Variants in LRRIQ4 observed in about 807,000 individuals in gnomAD.
LRRIQ4 encodes leucine-rich repeat and IQ domain-containing protein 4.
Under a neutral mutation model 40.1 loss-of-function variants are expected in LRRIQ4, and 21 were observed. That is an observed-to-expected ratio of 0.52 (90% CI 0.37 to 0.75). The LOEUF (loss-of-function observed/expected upper bound fraction) is 0.75. Among genes scored for constraint, LRRIQ4 ranks in the 30% least tolerant of loss-of-function variants. The probability of loss-of-function intolerance (pLI) is 0.00; values close to 1 mark genes in which losing one functional copy is unlikely to be tolerated. For missense variants in LRRIQ4, 655 were observed against 660.0 expected, an observed-to-expected ratio of 0.99 and a Z score of 0.08; for synonymous variants, 277 against 277.1, an observed-to-expected ratio of 1.00 and a Z score of 0.00.
chr3:169,827,971 A>T (rs1780079043), intron 2 of LRRIQ4, among the ~76,000 whole-genome samples: 2 of 152,226 alleles, frequency 1.3e-5, no homozygotes, highest in Admixed American at 1.3e-4. Context: ...CGATAGGATC[A>T]TAATGGAGTT....
At chr3:169,831,516 A>C (rs1312653820) in intron 4 of LRRIQ4, among the ~76,000 whole-genome samples, 10 of 112,526 alleles carry the variant, frequency 8.9e-5, no homozygotes, top group South Asian at 3.0e-4. Flanking sequence ...GTTAGCCAGG[A>C]TGGTCTTGAT....
chr3:169,831,027 T>G (rs901222412), intron 4 of LRRIQ4, among the ~76,000 whole-genome samples: 1 of 151,832 alleles, frequency 6.6e-6, no homozygotes, highest in Non-Finnish European at 1.5e-5. Flanking sequence ...TGGCCCAGAG[T>G]GGTGAAATTA....
Position 169,822,247 on chromosome 3 carries a change from C to G in LRRIQ4, c.326C>G (p.Ser109Cys). ...LDLSYNPIFS[S>C]SLVVVSFLHA... is the part of the protein sequence containing the mutation. Reference sequence around the variant, plus strand: ...CTGAGCTACAACCCCATCTTCTCCTCCTCCCTTGTCGTTGTCAGCTTCCTC... The same window carrying G: ...CTGAGCTACAACCCCATCTTCTCCTGCTCCCTTGTCGTTGTCAGCTTCCTC... Residue 109 changes from serine to cysteine, a missense_variant, in exon 2 of 6, where the codon TCC becomes TGC. Transcript: ENST00000340806. 5.6e-6 allele frequency: 9 copies of G among 1,607,230 alleles called. No individual in the cohort carries two copies. The highest frequency in any genetic ancestry group is 7.6e-6 in the Non-Finnish European group (9 of 1,177,290).
intron 5 of LRRIQ4, among the ~76,000 whole-genome samples, chr3:169,836,894 G>C (rs1324044559): frequency 1.3e-5 from 2 of 152,166 alleles, no homozygotes; most frequent in African/African-American, 4.8e-5. Flanking sequence ...GGTCAGGATT[G>C]GGGAGGCAGA....
At position 169,817,827 on chromosome 3, in the gene LRRIQ4, G is replaced by A. The variant is rs149122759; in HGVS notation, c.-31-4064G>A. Among the ~76,000 whole-genome samples the A allele has an allele frequency of 1.0e-3, 152 of 152,064 alleles. 1 individual carries two copies. The highest frequency in any genetic ancestry group is 3.5e-3 in the African/African-American group (144 of 41,480). ...TTTTCAGCTTATGTGTGTCTTTATA[G>A]GTGAAATGTATTTCTTGTGGGCCAC... On this transcript the variant is annotated intron_variant, in intron 1 of 5. Coordinates refer to ENST00000340806, the MANE Select transcript of LRRIQ4 (RefSeq NM_001080460.3).
rs1168352687 is a variant in LRRIQ4, at chr3:169,833,002, G to A, written c.1349G>A (p.Arg450Gln). 13 of 1,610,720 alleles carry A rather than the reference G, an allele frequency of 8.1e-6. No individual in the cohort carries two copies. Among genetic ancestry groups the A allele is most frequent in the Admixed American group, 5.1e-5 (3 of 59,186 alleles). ...ATCTTTTCAGCTTTGAAAGAATTAC[G>A]GCTGGAGGACAACTTGCTCACCCAT... ...ICQAQALKEL[R>Q]LEDNLLTHLP... Residue 450 changes from arginine (R) to glutamine (Q), a missense_variant, in exon 5 of 6, where the codon CGG becomes CAG. Physicochemically the swap from Arg to Gln is conservative, Grantham distance 43 (BLOSUM62 1). Transcript: ENST00000340806.
At chr3:169,831,378 A>G (rs1343220034) in intron 4 of LRRIQ4, among the ~76,000 whole-genome samples, 2 of 110,624 alleles carry the variant, frequency 1.8e-5, no homozygotes, top group African/African-American at 7.2e-5. Flanking sequence ...GGTTCACGCT[A>G]TTCTTCTGCC....
Position 169,821,996 on chromosome 3 carries a change from T to C in LRRIQ4, c.75T>C (p.Asp25=). The C allele has an allele frequency of 6.4e-7, 1 of 1,566,308 alleles. No individual in the cohort carries two copies. The highest frequency in any genetic ancestry group is 8.6e-7 in the Non-Finnish European group (1 of 1,161,198). ...HQRNDPQHVN[D]RTFFIDASNQ... ...GAAATGATCCACAGCACGTCAATGATAGAACATTTTTCATTGATGCCTCTA... is the reference window on the plus strand; with the variant it reads ...GAAATGATCCACAGCACGTCAATGACAGAACATTTTTCATTGATGCCTCTA... The change falls in exon 2 of 6, where the codon GAT becomes GAC. Residue 25 remains aspartate (D), a synonymous_variant. Coordinates refer to ENST00000340806, the MANE Select transcript of LRRIQ4 (RefSeq NM_001080460.3).
At chr3:169,815,017 A>T (rs1411360167) in intron 1 of LRRIQ4, among the ~76,000 whole-genome samples, 1 of 152,182 alleles carries the variant, frequency 6.6e-6, no homozygotes, top group Non-Finnish European at 1.5e-5. Context: ...TGCCAGTACC[A>T]TGCTAGTTTG....
At position 169,830,377 on chromosome 3, in the gene LRRIQ4, G is replaced by GAAAAAAAAAAAAAAAAAAAAAAA. The variant is rs56795981; in HGVS notation, c.1195-105_1195-83dup. The GAAAAAAAAAAAAAAAAAAAAAAA allele has an allele frequency of 1.1e-4, 12 of 106,682 alleles. 3 individuals are homozygous for GAAAAAAAAAAAAAAAAAAAAAAA. Among genetic ancestry groups the GAAAAAAAAAAAAAAAAAAAAAAA allele is most frequent in the East Asian group, 4.0e-4 (1 of 2,496 alleles). The allele number at this position is 106,682 out of a possible 1,614,324, so 6.6% of individuals were successfully genotyped here. ...AATGCGTAATTTCCCCACTGAAAGT[G>GAAAAAAAAAAAAAAAAAAAAAAA]AAAAAAAAAAAAAAAAAAAAAAAAA... On this transcript the variant is annotated intron_variant, in intron 3 of 5. Coordinates refer to ENST00000340806, the MANE Select transcript of LRRIQ4 (RefSeq NM_001080460.3).
chr3:169,829,021 C>A, intron 3 of LRRIQ4, 89 bp downstream of exon 3: 1 of 1,183,600 alleles, frequency 8.4e-7, no homozygotes, highest in Non-Finnish European at 1.2e-6. Context: ...TCTCCACAGG[C>A]TGGATGTAGA....
chr3:169,826,120 G>A (rs937339826), intron 2 of LRRIQ4, among the ~76,000 whole-genome samples: 1 of 152,046 alleles, frequency 6.6e-6, no homozygotes, highest in African/African-American at 2.4e-5. Context: ...GGCCACGTGC[G>A]GTGACTCACG....
Position 169,837,529 on chromosome 3 carries a change from C to A in LRRIQ4, c.1581C>A (p.Phe527Leu). ...GTMVQRGFGK[F>L]GELLKPQKKG... ...TGGTACAGAGAGGATTTGGGAAATT[C>A]GGTGAACTACTAAAACCACAAAAGA... is the stretch of plus-strand genomic sequence containing the variant. Residue 527 changes from phenylalanine to leucine, a missense_variant, in exon 6 of 6, where the codon TTC (phenylalanine) becomes TTA (leucine). Coordinates refer to ENST00000340806, the MANE Select transcript of LRRIQ4 (RefSeq NM_001080460.3). 1 of 1,608,148 alleles carries A rather than the reference C, an allele frequency of 6.2e-7. No homozygotes were observed. Among genetic ancestry groups the A allele is most frequent in the Non-Finnish European group, 8.5e-7 (1 of 1,177,724 alleles).
rs74501855 is a variant in LRRIQ4 at position 169,813,035 on chromosome 3, G to A, written c.-43G>A. On this transcript the variant is annotated 5_prime_UTR_variant, in exon 1 of 6. The change creates a premature stop within an existing upstream ORF in the 5' untranslated region. Coordinates refer to ENST00000340806, the MANE Select transcript of LRRIQ4 (RefSeq NM_001080460.3). ...GAGGACAGAATGCTTGGTGCGTTCT[G>A]GGCATGCGCAGGTACTTGAATGTAC... The A allele has an allele frequency of 9.9e-3, 1,543 of 155,480 alleles. 12 individuals are homozygous for A. The highest frequency in any genetic ancestry group is 0.015 in the Non-Finnish European group (1,029 of 70,184). The allele number at this position is 155,480 out of a possible 1,614,324, so 9.6% of individuals were successfully genotyped here. A position where few individuals can be genotyped will look rare whatever the true frequency, so the allele number is the denominator to read the frequency against.
At chr3:169,831,548 C>T (rs1265009780) in intron 4 of LRRIQ4, among the ~76,000 whole-genome samples, 1 of 141,654 alleles carries the variant, frequency 7.1e-6, no homozygotes, top group Non-Finnish European at 1.5e-5. Flanking sequence ...GTGATCTGCC[C>T]ACCTTGGCCT....
rs56795981 is a variant in LRRIQ4 at position 169,830,377 on chromosome 3, GAAAAAAAAAAAA to G, written c.1195-94_1195-83del. On this transcript the variant is annotated intron_variant, in intron 3 of 5. Transcript: ENST00000340806. Reference sequence around the variant, plus strand: ...AATGCGTAATTTCCCCACTGAAAGTGAAAAAAAAAAAAAAAAAAAAAAAAAAAAAAAATGCAT... The same window carrying G: ...AATGCGTAATTTCCCCACTGAAAGTGAAAAAAAAAAAAAAAAAAAATGCAT... 993 of 106,624 alleles carry G rather than the reference GAAAAAAAAAAAA, an allele frequency of 9.3e-3. 3 individuals are homozygous for G. Among genetic ancestry groups the G allele is most frequent in the Middle Eastern group, 0.023 (6 of 258 alleles). The allele number at this position is 106,624 out of a possible 1,614,324, so 6.6% of individuals were successfully genotyped here.
At chr3:169,835,973 T>C (rs1651192774) in intron 5 of LRRIQ4, among the ~76,000 whole-genome samples, 1 of 152,094 alleles carries the variant, frequency 6.6e-6, no homozygotes, top group African/African-American at 2.4e-5. Context: ...TAAAACAGCA[T>C]ACCCCCAGCC....
chr3:169,815,576 A>G (rs904288528), intron 1 of LRRIQ4, among the ~76,000 whole-genome samples: 1 of 152,200 alleles, frequency 6.6e-6, no homozygotes, highest in African/African-American at 2.4e-5. Flanking sequence ...AGATTATATC[A>G]TCTGCAAACA....
At chr3:169,836,445 G>C (rs185991884) in intron 5 of LRRIQ4, among the ~76,000 whole-genome samples, 585 of 152,206 alleles carry the variant, frequency 3.8e-3, no homozygotes, top group Non-Finnish European at 5.6e-3. Flanking sequence ...TTCCTGGCCT[G>C]TAGAAGCTGA....
Sources: allele counts gnomAD v4.1 joint callset (sites outside exome capture counted in the v4.1 genomes callset), GRCh38; gene constraint gnomAD v4.1.1; transcripts MANE v1.5; gene names NCBI Gene and HGNC (gene_info 2026-07-23, HGNC 2026-07-21).